The following DNAJC11 variants were observed in gnomAD, a reference collection of about 807,000 sequenced individuals.
DNAJC11 encodes the protein DnaJ heat shock protein family (Hsp40) member C11, also known as dnaJ homolog subfamily C member 11.
A neutral mutation model predicts 78.6 loss-of-function variants in DNAJC11; 15 were observed. That is an observed-to-expected ratio of 0.19 (90% confidence interval 0.13 to 0.29). DNAJC11 has a LOEUF of 0.29. DNAJC11 is among the 10% of genes least tolerant of loss of function. DNAJC11 has a pLI of 1.00. For missense variants in DNAJC11, 547 were observed against 709.6 expected, an observed-to-expected ratio of 0.77 and a Z score of 2.60; for synonymous variants, 292 against 272.1, an observed-to-expected ratio of 1.07 and a Z score of -0.72.
intron 12 of DNAJC11, chr1:6,637,993 G>T (rs1340308530): frequency 7.6e-6 from 3 of 393,356 alleles, no homozygotes; most frequent in Non-Finnish European, 9.2e-6. Flanking sequence ...CCACCTGGCA[G>T]TATGCTCGCC....
intron 10 of DNAJC11, among the ~76,000 whole-genome samples, chr1:6,643,623 C>T (rs1444608043): frequency 1.3e-5 from 2 of 152,072 alleles, no homozygotes; most frequent in African/African-American, 2.4e-5. Context: ...AGTGACTAGA[C>T]TCAGGTGGAG....
chr1:6,653,829 A>T lies in DNAJC11; in HGVS notation c.507+82T>A, dbSNP rs1205210420. On this transcript the variant is annotated intron_variant, in intron 5 of 15. Coordinates refer to ENST00000377577, the MANE Select transcript of DNAJC11 (RefSeq NM_018198.4). This position sits in a 1 kb window ranked among gnomAD's most constrained non-coding sequence, Gnocchi z 4.5. ...TAAAGATGAGAAAAACCCTGGGCAGACTCTCATTCCAGCTGCTTGGTGTGC... is the reference window on the plus strand; with the variant it reads ...TAAAGATGAGAAAAACCCTGGGCAGTCTCTCATTCCAGCTGCTTGGTGTGC... 1.3e-6 allele frequency: 2 copies of T among 1,531,526 alleles called. No homozygotes were observed. Among genetic ancestry groups the T allele is most frequent in the African/African-American group, 2.8e-5 (2 of 72,422 alleles). The allele number at this position is 1,531,526 out of a possible 1,614,324, so 94.9% of individuals were successfully genotyped here. A position where few individuals can be genotyped will look rare whatever the true frequency, so the allele number is the denominator to read the frequency against.
chr1:6,643,317 C>A (rs1641909764), intron 10 of DNAJC11, among the ~76,000 whole-genome samples: 1 of 151,084 alleles, frequency 6.6e-6, no homozygotes, highest in South Asian at 2.1e-4. Context: ...GCTCTGATGC[C>A]CAGGCTGGAG....
intron 1 of DNAJC11, among the ~76,000 whole-genome samples, chr1:6,685,235 C>G (rs887364020): frequency 6.6e-6 from 1 of 152,220 alleles, no homozygotes; most frequent in African/African-American, 2.4e-5. Context: ...TAGGCTAGAT[C>G]AGTGGTTCTC....
chr1:6,676,506 C>T (rs1489145983), intron 3 of DNAJC11, among the ~76,000 whole-genome samples: 1 of 151,806 alleles, frequency 6.6e-6, no homozygotes, highest in African/African-American at 2.4e-5. Context: ...ATAGAAAGAC[C>T]CCATCTCTAC....
At chr1:6,649,067 A>G (rs1642012438) in intron 7 of DNAJC11, among the ~76,000 whole-genome samples, 1 of 152,020 alleles carries the variant, frequency 6.6e-6, no homozygotes, top group African/African-American at 2.4e-5. Context: ...ATCTCAGCTC[A>G]TTGCAGCCTC....
chr1:6,652,026 T>A (rs1642064398), intron 6 of DNAJC11, among the ~76,000 whole-genome samples: 1 of 149,676 alleles, frequency 6.7e-6, no homozygotes. Context: ...CTGCGCCAAA[T>A]GTCTCCCAGG....
At chr1:6,662,121 G>GTTTTTTTTT (rs1185007632) in intron 4 of DNAJC11, among the ~76,000 whole-genome samples, 2 of 48,190 alleles carry the variant, frequency 4.2e-5, no homozygotes, top group African/African-American at 1.2e-4. Context: ...CCAGTTAATT[G>GTTTTTTTTT]TTTTTTGTTT....
intron 14 of DNAJC11, 93 bp from the exon 15 acceptor site, chr1:6,636,339 C>G (rs535347193): frequency 6.6e-7 from 1 of 1,519,368 alleles, no homozygotes; most frequent in African/African-American, 1.4e-5. Flanking sequence ...TGCACAGGCT[C>G]TGACATTCCC....
At position 6,645,934 on chromosome 1, in the gene DNAJC11, A is replaced by G. The variant is rs1472369514; in HGVS notation, c.749T>C (p.Ile250Thr). ...TAGGACAGTGGTCAGGCCGGGTCGG[A>G]TTCCACGGGATGAAAACTGCAGAGC... ...NCALQFSSRG[I>T]RPGLTTVLAR... The change falls in exon 8 of 16, where the codon ATC becomes ACC. Residue 250 changes from isoleucine (I) to threonine (T), a missense_variant. Ile to Thr is a moderately conservative substitution (Grantham distance 89, BLOSUM62 -1). Coordinates refer to ENST00000377577, the MANE Select transcript of DNAJC11 (RefSeq NM_018198.4). This position sits in a 1 kb window ranked among gnomAD's most constrained non-coding sequence, Gnocchi z 4.1. 8.7e-6 allele frequency: 14 copies of G among 1,614,064 alleles called. No homozygotes were observed. In the South Asian group the frequency reaches 8.8e-5, roughly 10 times the overall value.
At chr1:6,649,611 C>T (rs1159505617) in intron 7 of DNAJC11, among the ~76,000 whole-genome samples, 1 of 152,212 alleles carries the variant, frequency 6.6e-6, no homozygotes, top group Non-Finnish European at 1.5e-5. Flanking sequence ...TGCCCCATGC[C>T]CCACAGACAA....
rs1478663988 is a variant in DNAJC11 at position 6,645,285 on chromosome 1, A to G, written c.895-159T>C. Among the ~76,000 whole-genome samples the G allele has an allele frequency of 1.3e-5, 2 of 152,220 alleles. No homozygotes were observed. The highest frequency in any genetic ancestry group is 2.4e-5 in the African/African-American group (1 of 41,438). On this transcript the variant is annotated intron_variant, in intron 8 of 15. Transcript: ENST00000377577. The surrounding 1 kb of genome is among the most constrained non-coding windows in gnomAD (Gnocchi z 4.1). ...CGCAGTGAGTGCACCATGATTTATT[A>G]GCAGCCAGTAATTAAAAAGTGGGAG...
chr1:6,635,748 A>G, intron 15 of DNAJC11, 48 bp from the exon 16 acceptor site: 1 of 1,610,568 alleles, frequency 6.2e-7, no homozygotes, highest in Non-Finnish European at 8.5e-7. Context: ...GGCCATTCCC[A>G]TGCACCTTTC....
intron 1 of DNAJC11, among the ~76,000 whole-genome samples, chr1:6,685,205 A>C (rs1349068327): frequency 2.0e-5 from 3 of 152,234 alleles, no homozygotes; most frequent in Admixed American, 6.5e-5. Context: ...TGTCTGTACC[A>C]CGATTGCATT....
rs115284347 is a variant in DNAJC11, at chr1:6,656,912, T to A, written c.379-2873A>T. Reference sequence around the variant, plus strand: ...GCCTGGGTGATAGTATGAGACCCTATCTCAAAGTAAAATATAACTTGCTAA... The same window carrying A: ...GCCTGGGTGATAGTATGAGACCCTAACTCAAAGTAAAATATAACTTGCTAA... On this transcript the variant is annotated intron_variant, in intron 4 of 15. Coordinates refer to ENST00000377577, the MANE Select transcript of DNAJC11 (RefSeq NM_018198.4). Among the ~76,000 whole-genome samples the A allele has an allele frequency of 6.6e-5, 10 of 152,044 alleles. No individual in the cohort carries two copies. In the Middle Eastern group the frequency reaches 0.01, roughly 155 times the overall value.
intron 3 of DNAJC11, 124 bp downstream of exon 3, chr1:6,678,270 G>T: frequency 9.5e-7 from 1 of 1,052,550 alleles, no homozygotes; most frequent in South Asian, 1.3e-5. Context: ...TACAGGGCAA[G>T]GAAGGGGGCT....
rs146854619 is a variant in DNAJC11 at position 6,638,242 on chromosome 1, T to C, written c.1323+53A>G. 915 of 1,565,652 alleles carry C rather than the reference T, an allele frequency of 5.8e-4. 5 individuals carry two copies. In the African/African-American group the frequency reaches 0.011, roughly 19 times the overall value. Reference sequence around the variant, plus strand: ...AAGGCCCTGAGACCAACATGTGGGGTGTGGAGTGTGTCCCCTACAGCCCTC... The same window carrying C: ...AAGGCCCTGAGACCAACATGTGGGGCGTGGAGTGTGTCCCCTACAGCCCTC... On this transcript the variant is annotated intron_variant, in intron 12 of 15. Coordinates refer to ENST00000377577, the MANE Select transcript of DNAJC11 (RefSeq NM_018198.4).
Position 6,635,262 on chromosome 1 carries a change from A to C in DNAJC11, c.*413T>G. The C allele has an allele frequency of 5.5e-6, 1 of 180,562 alleles. No individual in the cohort carries two copies. The allele number at this position is 180,562 out of a possible 1,614,324, so 11.2% of individuals were successfully genotyped here. A position where few individuals can be genotyped will look rare whatever the true frequency, so the allele number is the denominator to read the frequency against. ...CTGCCTGCTTTTCAGGTTGTTTCCC[A>C]TGTTCAGCGTGGACTGCAGAAGTGG... On this transcript the variant is annotated 3_prime_UTR_variant, in exon 16 of 16. Transcript: ENST00000377577.
intron 4 of DNAJC11, among the ~76,000 whole-genome samples, chr1:6,661,769 A>C (rs1013558138): frequency 1.3e-5 from 2 of 152,198 alleles, no homozygotes; most frequent in Non-Finnish European, 2.9e-5. Context: ...TGACATCAGA[A>C]TCACTTCTGC....
Sources: allele counts gnomAD v4.1 joint callset (sites outside exome capture counted in the v4.1 genomes callset), GRCh38; gene constraint gnomAD v4.1.1; non-coding constraint Gnocchi (gnomAD v3.1); transcripts MANE v1.5; gene names NCBI Gene and HGNC (gene_info 2026-07-23, HGNC 2026-07-21).